The following NUBPL variants were observed in gnomAD, a reference collection of about 807,000 sequenced individuals.
NUBPL encodes iron-sulfur cluster transfer protein NUBPL.
Under a neutral mutation model 45.7 loss-of-function variants are expected in NUBPL, and 31 were observed. That is an observed-to-expected ratio of 0.68 (90% CI 0.51 to 0.92). The LOEUF (loss-of-function observed/expected upper bound fraction) is 0.92. Ranked by LOEUF, NUBPL falls within the 40% of genes least tolerant of loss-of-function variation. The probability of loss-of-function intolerance (pLI) is 0.00; values close to 1 mark genes in which losing one functional copy is unlikely to be tolerated. For synonymous variants in NUBPL, 144 were observed against 140.9 expected, an observed-to-expected ratio of 1.02 and a Z score of -0.15; for missense variants, 401 against 398.7, an observed-to-expected ratio of 1.01 and a Z score of -0.05.
chr14:31,576,002 G>T (rs1330901076), intron 3 of NUBPL, among the ~76,000 whole-genome samples: 1 of 152,174 alleles, frequency 6.6e-6, no homozygotes, highest in East Asian at 1.9e-4. Flanking sequence ...CACATTTCAT[G>T]TTCACTGAGA....
intron 7 of NUBPL, among the ~76,000 whole-genome samples, chr14:31,816,280 T>G (rs1388585439): frequency 6.6e-6 from 1 of 152,224 alleles, no homozygotes; most frequent in Non-Finnish European, 1.5e-5. Context: ...TGTCCTGAAA[T>G]TTATCCATTT....
rs182473526 is a variant in NUBPL at position 31,658,796 on chromosome 14, G to A, written c.383-14559G>A. ...CAAAGTGCTGGGATTACAGGTGTGC[G>A]CCACTGTGCCTCCTTTAATAGCTAT... is the stretch of plus-strand genomic sequence containing the variant. On this transcript the variant is annotated intron_variant, in intron 4 of 10. Transcript: ENST00000281081. 6.6e-3 allele frequency among the ~76,000 whole-genome samples: 999 copies of A among 152,234 alleles called. 9 individuals carry two copies. The highest frequency in any genetic ancestry group is 7.7e-3 in the Non-Finnish European group (523 of 68,022).
rs1481783613 is a variant in NUBPL, at chr14:31,749,032, G to GT, written c.514-38742dup. Among the ~76,000 whole-genome samples, 7 of 152,238 alleles carry GT rather than the reference G, an allele frequency of 4.6e-5. No homozygotes were observed. The East Asian group carries it at 1.4e-3, about 29-fold the overall frequency. On this transcript the variant is annotated intron_variant, in intron 6 of 10. Coordinates refer to ENST00000281081, the MANE Select transcript of NUBPL (RefSeq NM_025152.3). ...CTGTCTGTCTTTACATGTAAAGTGA[G>GT]TTTTTTGTGGGCAAAATATAGTTGG...
At position 31,778,578 on chromosome 14, in the gene NUBPL, G is replaced by A. The variant is rs923202421; in HGVS notation, c.514-9202G>A. On this transcript the variant is annotated intron_variant, in intron 6 of 10. Transcript: ENST00000281081. The stretch of plus-strand genomic sequence containing the variant: ...TTTGCCCTGTAAAATGAGTTCCTTA[G>A]TCACTGTGAAGCTCTTGAGAGACTT... Among the ~76,000 whole-genome samples the A allele has an allele frequency of 3.3e-5, 5 of 152,332 alleles. No individual in the cohort carries two copies. In the East Asian group the frequency reaches 9.6e-4, roughly 29 times the overall value.
intron 6 of NUBPL, among the ~76,000 whole-genome samples, chr14:31,715,976 G>A (rs1014766307): frequency 4.6e-5 from 7 of 151,732 alleles, no homozygotes; most frequent in African/African-American, 1.7e-4. Context: ...TTTTCTGTAA[G>A]CTTTTTTTTT....
At chr14:31,630,657 G>A (rs1024663140) in intron 4 of NUBPL, among the ~76,000 whole-genome samples, 6 of 152,242 alleles carry the variant, frequency 3.9e-5, no homozygotes, top group Non-Finnish European at 7.4e-5. Flanking sequence ...TGGTTATTTT[G>A]AGGCTTTTGA....
At chr14:31,834,456 G>C (rs1303993393) in intron 8 of NUBPL, among the ~76,000 whole-genome samples, 1 of 152,134 alleles carries the variant, frequency 6.6e-6, no homozygotes, top group Admixed American at 6.5e-5. Flanking sequence ...TGGGATTACA[G>C]GCGTGAGCCA....
At chr14:31,666,491 A>G (rs772186233) in intron 4 of NUBPL, among the ~76,000 whole-genome samples, 3 of 150,966 alleles carry the variant, frequency 2.0e-5, no homozygotes, top group Non-Finnish European at 4.4e-5. Context: ...TCTCAAACTC[A>G]TGACCTTGTG....
intron 4 of NUBPL, among the ~76,000 whole-genome samples, chr14:31,624,651 G>T (rs576927228): frequency 3.9e-5 from 6 of 152,178 alleles, no homozygotes; most frequent in Non-Finnish European, 5.9e-5. Flanking sequence ...TGCAACCTCC[G>T]CCTCCTGAGT....
rs117435806 is a variant in NUBPL, at chr14:31,841,297, C to T, written c.694-5174C>T. Among the ~76,000 whole-genome samples the T allele has an allele frequency of 4.6e-5, 7 of 152,306 alleles. No individual in the cohort carries two copies. In the East Asian group the frequency reaches 1.3e-3, roughly 29 times the overall value. ...TTTAAAATGATTGTACCCATTTCCA[C>T]TCAACTGAAACAATGAATCTTACTT... On this transcript the variant is annotated intron_variant, in intron 8 of 10. Transcript: ENST00000281081.
chr14:31,657,294 T>C (rs918866757), intron 4 of NUBPL, among the ~76,000 whole-genome samples: 14 of 152,354 alleles, frequency 9.2e-5, no homozygotes, highest in African/African-American at 3.1e-4. Flanking sequence ...TACTCTGATA[T>C]ATGGGCCATT....
intron 2 of NUBPL, among the ~76,000 whole-genome samples, chr14:31,564,351 T>A (rs947737451): frequency 6.6e-6 from 1 of 152,130 alleles, no homozygotes. Context: ...TGAGTATTTA[T>A]GAATTAGATA....
chr14:31,703,713 A>G (rs1423937378), intron 6 of NUBPL, among the ~76,000 whole-genome samples: 2 of 152,200 alleles, frequency 1.3e-5, no homozygotes, highest in East Asian at 3.9e-4. Flanking sequence ...CTCTCCCACA[A>G]CATATGGGAA....
At chr14:31,718,199 A>C (rs1284975292) in intron 6 of NUBPL, among the ~76,000 whole-genome samples, 2 of 152,148 alleles carry the variant, frequency 1.3e-5, no homozygotes, top group African/African-American at 4.8e-5. Flanking sequence ...CTAGTCCCAG[A>C]TCTGCTGCTA....
At chr14:31,741,315 G>A (rs1414535006) in intron 6 of NUBPL, among the ~76,000 whole-genome samples, 5 of 152,156 alleles carry the variant, frequency 3.3e-5, no homozygotes, top group Non-Finnish European at 5.9e-5. Flanking sequence ...TTTGCCTCTG[G>A]AATGTGAAGT....
chr14:31,683,957 G>T (rs905661100), intron 6 of NUBPL, among the ~76,000 whole-genome samples: 2 of 55,942 alleles, frequency 3.6e-5, no homozygotes, highest in African/African-American at 5.5e-5. Flanking sequence ...TTCTTTAGTT[G>T]TTCTGTGAGT....
At chr14:31,823,000 T>A (rs1424847226) in intron 7 of NUBPL, among the ~76,000 whole-genome samples, 1 of 152,130 alleles carries the variant, frequency 6.6e-6, no homozygotes, top group African/African-American at 2.4e-5. Flanking sequence ...AATAAAACTT[T>A]TATTTTTTTA....
At chr14:31,808,438 C>A (rs141497588) in intron 7 of NUBPL, among the ~76,000 whole-genome samples, 2 of 152,072 alleles carry the variant, frequency 1.3e-5, no homozygotes, top group African/African-American at 2.4e-5. Flanking sequence ...TTTGTGTATA[C>A]GAATGCTTGT....
intron 6 of NUBPL, among the ~76,000 whole-genome samples, chr14:31,778,286 G>A (rs1398599546): frequency 6.6e-6 from 1 of 152,162 alleles, no homozygotes; most frequent in Non-Finnish European, 1.5e-5. Flanking sequence ...CCTTTCCCAG[G>A]AGGTGAATGG....
Sources: allele counts gnomAD v4.1 joint callset (sites outside exome capture counted in the v4.1 genomes callset), GRCh38; gene constraint gnomAD v4.1.1; transcripts MANE v1.5; gene names NCBI Gene and HGNC (gene_info 2026-07-23, HGNC 2026-07-21).